ZC3H12D: variants seen among roughly 807,000 people sequenced by gnomAD.
The protein encoded by ZC3H12D is probable ribonuclease ZC3H12D.
A neutral mutation model predicts 24.2 loss-of-function variants in ZC3H12D; 11 were observed. The observed-to-expected ratio is 0.46, with a 90% CI of 0.29 to 0.75. ZC3H12D has a LOEUF of 0.75. ZC3H12D is among the 30% of genes least tolerant of loss of function. The pLI, the probability that ZC3H12D is intolerant of heterozygous loss-of-function variation, is 0.11. For synonymous variants in ZC3H12D, 333 were observed against 341.8 expected (o/e 0.97, Z 0.28); for missense variants, 740 against 767.7 (o/e 0.96, Z 0.43).
intron 1 of ZC3H12D, among the ~76,000 whole-genome samples, chr6:149,480,660 C>T (rs974634175): frequency 6.6e-6 from 1 of 152,148 alleles, no homozygotes; most frequent in Admixed American, 6.5e-5. Context: ...CACTTGAAAC[C>T]AGGAGGCGGA....
At position 149,451,452 on chromosome 6, in the gene ZC3H12D, C is replaced by A. The variant is rs868502093; in HGVS notation, c.815G>T (p.Cys272Phe). Residue 272 changes from cysteine to phenylalanine, a missense_variant, in exon 6 of 6, where the codon TGC becomes TTC. By Grantham distance (205) the Cys-to-Phe change is radical. Coordinates refer to ENST00000409806, the MANE Select transcript of ZC3H12D (RefSeq NM_207360.3). Reference sequence around the variant, plus strand: ...CGGCCTCTCCGGGTGGTAGAACTTGCACTTGATGCCATAGGTGCATTTCTT... The same window carrying A: ...CGGCCTCTCCGGGTGGTAGAACTTGAACTTGATGCCATAGGTGCATTTCTT... ...YGKKCTYGIKCKFYHPERPHH... is the reference protein window; with the variant it reads ...YGKKCTYGIKFKFYHPERPHH... The A allele has an allele frequency of 6.3e-7, 1 of 1,575,982 alleles. No individual in the cohort carries two copies. Among genetic ancestry groups the A allele is most frequent in the East Asian group, 2.4e-5 (1 of 41,692 alleles).
chr6:149,480,797 G>T (rs1445731414), intron 1 of ZC3H12D, among the ~76,000 whole-genome samples: 3 of 148,700 alleles, frequency 2.0e-5, no homozygotes, highest in South Asian at 5.1e-4. Context: ...CCTTGGAGGG[G>T]CAGGGAAGGC....
intron 2 of ZC3H12D, among the ~76,000 whole-genome samples, chr6:149,468,760 T>C (rs1776199830): frequency 6.6e-6 from 1 of 151,672 alleles, no homozygotes. Flanking sequence ...CAGAACAGAG[T>C]CAGGGTCTCA....
chr6:149,461,019 G>GAT (rs1776064145), intron 3 of ZC3H12D, among the ~76,000 whole-genome samples: 1 of 151,954 alleles, frequency 6.6e-6, no homozygotes, highest in South Asian at 2.1e-4. Flanking sequence ...AATATTTGTA[G>GAT]GTTAAAATAT....
At chr6:149,465,555 G>T (rs193104144) in intron 2 of ZC3H12D, among the ~76,000 whole-genome samples, 5 of 151,922 alleles carry the variant, frequency 3.3e-5, no homozygotes, top group African/African-American at 9.7e-5. Context: ...GAGATCGAGA[G>T]CATCCTGGCT....
At chr6:149,484,223 G>T (rs1583195659) in intron 1 of ZC3H12D, among the ~76,000 whole-genome samples, 1 of 152,184 alleles carries the variant, frequency 6.6e-6, no homozygotes, top group Admixed American at 6.5e-5. Context: ...GTTTCTTATG[G>T]CTGCAGGGAA....
At chr6:149,475,035 C>T (rs866215924) in intron 1 of ZC3H12D, among the ~76,000 whole-genome samples, 3 of 152,088 alleles carry the variant, frequency 2.0e-5, no homozygotes, top group Admixed American at 1.3e-4. Context: ...AAAAGGAGGT[C>T]CCTAATCCAA....
At chr6:149,455,124 G>A (rs1775958105) in intron 4 of ZC3H12D, among the ~76,000 whole-genome samples, 1 of 152,164 alleles carries the variant, frequency 6.6e-6, no homozygotes, top group Non-Finnish European at 1.5e-5. Context: ...TAAGTGGCAG[G>A]GCCTCAGATG....
chr6:149,451,420 C>G lies in ZC3H12D; in HGVS notation c.847G>C (p.Ala283Pro). 1.3e-6 allele frequency: 2 copies of G among 1,573,018 alleles called. No homozygotes were observed. Among genetic ancestry groups the G allele is most frequent in the South Asian group, 1.1e-5 (1 of 89,644 alleles). Residue 283 changes from alanine to proline, a missense_variant, in exon 6 of 6, where the codon GCG (alanine) becomes CCG (proline). Transcript: ENST00000409806. ...KFYHPERPHH[A>P]QLAVADELRA... is the part of the protein sequence containing the mutation. ...AGCTCGTCGGCCACCGCCAGTTGCG[C>G]GTGGTGCGGCCTCTCCGGGTGGTAG...
In ZC3H12D at chr6:149,456,616, G is replaced by GGGGGACGGCCC; in HGVS notation, c.680+49_680+50insGGGCCGTCCCC. ...AGGCGTGGCCACTGCCTCGACCCCG[G>GGGGGACGGCCC]CCCCCCGCCCCGCCGCCCCCCAGGG... On this transcript the variant is annotated intron_variant, in intron 4 of 5. Transcript: ENST00000409806. The surrounding 1 kb of genome is among the most constrained non-coding windows in gnomAD (Gnocchi z 4.3). 1 of 1,130,408 alleles carries GGGGGACGGCCC rather than the reference G, an allele frequency of 8.8e-7. No individual in the cohort carries two copies. Among genetic ancestry groups the GGGGGACGGCCC allele is most frequent in the East Asian group, 2.5e-5 (1 of 39,792 alleles). 70.0% of individuals were successfully genotyped at this position (1,130,408 alleles called of 1,614,324 possible).
chr6:149,456,627 C>CCCCCCCCCCCCGGGG lies in ZC3H12D; in HGVS notation c.680+38_680+39insCCCCGGGGGGGGGGG. On this transcript the variant is annotated intron_variant, in intron 4 of 5. Coordinates refer to ENST00000409806, the MANE Select transcript of ZC3H12D (RefSeq NM_207360.3). The surrounding 1 kb of genome is among the most constrained non-coding windows in gnomAD (Gnocchi z 4.3). ...CTGCCTCGACCCCGGCCCCCCGCCC[C>CCCCCCCCCCCCGGGG]GCCGCCCCCCAGGGTGTCAGGACCC... is the stretch of plus-strand genomic sequence containing the variant. 2 of 1,403,090 alleles carry CCCCCCCCCCCCGGGG rather than the reference C, an allele frequency of 1.4e-6. No individual in the cohort carries two copies. The highest frequency in any genetic ancestry group is 2.0e-6 in the Non-Finnish European group (2 of 997,694). The allele number at this position is 1,403,090 out of a possible 1,614,324, so 86.9% of individuals were successfully genotyped here.
At chr6:149,466,590 T>C (rs1583188988) in intron 2 of ZC3H12D, among the ~76,000 whole-genome samples, 2 of 151,790 alleles carry the variant, frequency 1.3e-5, no homozygotes, top group South Asian at 2.1e-4. Context: ...TTAAAACTTG[T>C]TTCTTGGCTG....
chr6:149,451,138 C>G lies in ZC3H12D; in HGVS notation c.1129G>C (p.Asp377His). 1.5e-6 allele frequency: 2 copies of G among 1,339,620 alleles called. No individual in the cohort carries two copies. The highest frequency in any genetic ancestry group is 1.9e-6 in the Non-Finnish European group (2 of 1,051,080). The allele number at this position is 1,339,620 out of a possible 1,614,324, so 83.0% of individuals were successfully genotyped here. The change falls in exon 6 of 6, where the codon GAC becomes CAC. Residue 377 changes from aspartate (D) to histidine (H), a missense_variant. Coordinates refer to ENST00000409806, the MANE Select transcript of ZC3H12D (RefSeq NM_207360.3). Reference protein sequence around the residue: ...CSLTPRLGGPDWVSAGGRVPG... With the variant: ...CSLTPRLGGPHWVSAGGRVPG... The stretch of plus-strand genomic sequence containing the variant: ...ACCCGGCCGCCCGCGGACACCCAGT[C>G]GGGCCCGCCCAGTCGGGGCGTGAGG...
chr6:149,456,858 A>T lies in ZC3H12D; in HGVS notation c.488T>A (p.Val163Glu). Residue 163 changes from valine (V) to glutamate (E), a missense_variant, in exon 4 of 6, where the codon GTG becomes GAG. Val to Glu is a moderately radical substitution (Grantham distance 121). Transcript: ENST00000409806. The surrounding 1 kb of genome is among the most constrained non-coding windows in gnomAD (Gnocchi z 4.3). ...LAELERQAVL[V>E]YTPSRKVHGK... ...GTGCACCTTGCGGGACGGCGTGTAC[A>T]CCAGCACCGCCTGCCGCTCCAGCTC... is the stretch of plus-strand genomic sequence containing the variant. 6.2e-7 allele frequency: 1 copy of T among 1,606,748 alleles called. No individual in the cohort carries two copies. The highest frequency in any genetic ancestry group is 8.5e-7 in the Non-Finnish European group (1 of 1,179,450).
At chr6:149,464,025 G>A (rs890226538) in intron 2 of ZC3H12D, among the ~76,000 whole-genome samples, 10 of 152,216 alleles carry the variant, frequency 6.6e-5, no homozygotes, top group African/African-American at 2.4e-4. Flanking sequence ...GGAGATGTCT[G>A]AGTGATTAAA....
chr6:149,468,329 G>A (rs1776192999), intron 2 of ZC3H12D, among the ~76,000 whole-genome samples: 1 of 152,196 alleles, frequency 6.6e-6, no homozygotes. Context: ...AAGTGGGTTG[G>A]CACCCAAGGC....
chr6:149,452,564 G>GC lies in ZC3H12D; in HGVS notation c.787+51dup. ...CGCTTTTTGACTGTGCTCCTGTACT[G>GC]CCCCCACACAAGGCCCTGAACAGGG... On this transcript the variant is annotated intron_variant, in intron 5 of 5. Transcript: ENST00000409806. This position sits in a 1 kb window ranked among gnomAD's most constrained non-coding sequence, Gnocchi z 4.0. 1.4e-6 allele frequency: 2 copies of GC among 1,398,218 alleles called. No homozygotes were observed. Among genetic ancestry groups the GC allele is most frequent in the East Asian group, 2.6e-5 (1 of 39,066 alleles). The allele number at this position is 1,398,218 out of a possible 1,614,324, so 86.6% of individuals were successfully genotyped here. A position where few individuals can be genotyped will look rare whatever the true frequency, so the allele number is the denominator to read the frequency against.
intron 4 of ZC3H12D, among the ~76,000 whole-genome samples, chr6:149,454,651 G>A (rs1164338975): frequency 2.0e-5 from 3 of 152,228 alleles, no homozygotes; most frequent in Non-Finnish European, 2.9e-5. Context: ...GCTCACAAGC[G>A]GGCGGCAGGT....
At chr6:149,475,585 G>T (rs751039006) in intron 1 of ZC3H12D, among the ~76,000 whole-genome samples, 1 of 151,926 alleles carries the variant, frequency 6.6e-6, no homozygotes, top group African/African-American at 2.4e-5. Context: ...GCATGGTGGC[G>T]CACGCCTGTA....
Sources: allele counts gnomAD v4.1 joint callset (sites outside exome capture counted in the v4.1 genomes callset), GRCh38; gene constraint gnomAD v4.1.1; non-coding constraint Gnocchi (gnomAD v3.1); transcripts MANE v1.5; gene names NCBI Gene and HGNC (gene_info 2026-07-23, HGNC 2026-07-21).